The following ATOSA variants were observed in gnomAD, a reference collection of about 807,000 sequenced individuals.
ATOSA encodes atos homolog A.
chr15:52,657,066 C>A, the ATOSA span: 2 of 152,098 alleles, frequency 1.3e-5, no homozygotes, highest in African/African-American at 4.8e-5. Context: ...ACAACTGCAA[C>A]TTTGTGAAAT....
chr15:52,608,763 A>G, the ATOSA span: 4 of 1,607,660 alleles, frequency 2.5e-6, no homozygotes, highest in Non-Finnish European at 3.4e-6. Context: ...TAAGTTGAGT[A>G]TTTTGCTCAC....
At chr15:52,633,219 A>C in the ATOSA span, among the ~76,000 whole-genome samples, 55 of 152,248 alleles carry the variant, frequency 3.6e-4, no homozygotes, top group African/African-American at 1.2e-3. Flanking sequence ...TTCTATATTC[A>C]CTCCTTTTAT....
the ATOSA span, among the ~76,000 whole-genome samples, chr15:52,694,770 A>G: frequency 6.6e-6 from 1 of 152,222 alleles, no homozygotes; most frequent in African/African-American, 2.4e-5. Flanking sequence ...TGATATACAT[A>G]GAATCCCACT....
At chr15:52,631,669 A>T in the ATOSA span, among the ~76,000 whole-genome samples, 1 of 152,222 alleles carries the variant, frequency 6.6e-6, no homozygotes. Flanking sequence ...CATATCTCGA[A>T]TTTAACACTC....
At chr15:52,611,333 C>A in the ATOSA span, 2 of 1,535,176 alleles carry the variant, frequency 1.3e-6, no homozygotes, top group Non-Finnish European at 1.8e-6. Flanking sequence ...AAGCTGAGAT[C>A]CATAAACTTA....
chr15:52,605,529 T>C, the ATOSA span, among the ~76,000 whole-genome samples: 1 of 152,120 alleles, frequency 6.6e-6, no homozygotes, highest in African/African-American at 2.4e-5. Context: ...CGATGAAAAT[T>C]TCCTTTGAGC....
At chr15:52,692,612 C>A in the ATOSA span, among the ~76,000 whole-genome samples, 3 of 152,162 alleles carry the variant, frequency 2.0e-5, no homozygotes, top group Non-Finnish European at 4.4e-5. Flanking sequence ...CTTTGGCCTC[C>A]CAAAGTGCTG....
the ATOSA span, among the ~76,000 whole-genome samples, chr15:52,666,566 A>C: frequency 6.6e-6 from 1 of 152,366 alleles, no homozygotes; most frequent in East Asian, 1.9e-4. Flanking sequence ...CTGGAGAATT[A>C]GATCTTAGGG....
At chr15:52,609,881 T>C in the ATOSA span, 2 of 1,613,414 alleles carry the variant, frequency 1.2e-6, no homozygotes, top group Non-Finnish European at 1.7e-6. Flanking sequence ...TTAGAGATAC[T>C]GGAATCAACC....
At chr15:52,617,631 T>C in the ATOSA span, among the ~76,000 whole-genome samples, 4 of 152,064 alleles carry the variant, frequency 2.6e-5, no homozygotes, top group South Asian at 2.1e-4. Flanking sequence ...CTATTGTTAA[T>C]TTTATAGCCT....
At chr15:52,608,209 A>C in the ATOSA span, among the ~76,000 whole-genome samples, 4 of 152,198 alleles carry the variant, frequency 2.6e-5, no homozygotes, top group Non-Finnish European at 5.9e-5. Context: ...TCTGACTAGA[A>C]GAAAAAGAGG....
the ATOSA span, among the ~76,000 whole-genome samples, chr15:52,628,404 A>G: frequency 6.6e-6 from 1 of 152,342 alleles, no homozygotes; most frequent in Non-Finnish European, 1.5e-5. Context: ...GAGCCATGCC[A>G]GGGCTGTGTA....
At chr15:52,642,118 A>T in the ATOSA span, among the ~76,000 whole-genome samples, 1 of 152,186 alleles carries the variant, frequency 6.6e-6, no homozygotes, top group African/African-American at 2.4e-5. Context: ...AAATTTGCCA[A>T]TCTGTTTAAA....
the ATOSA span, chr15:52,593,704 G>A: frequency 4.8e-5 from 75 of 1,556,468 alleles, no homozygotes; most frequent in South Asian, 2.7e-4. Flanking sequence ...CAACAATGCC[G>A]AGAGGATCGA....
chr15:52,623,154 G>A, the ATOSA span, among the ~76,000 whole-genome samples: 2 of 134,746 alleles, frequency 1.5e-5, no homozygotes, highest in Admixed American at 1.4e-4. Context: ...GTGAGACTCC[G>A]TGTCAAAAAA....
the ATOSA span, among the ~76,000 whole-genome samples, chr15:52,660,433 C>G: frequency 2.0e-5 from 3 of 152,178 alleles, no homozygotes; most frequent in African/African-American, 4.8e-5. Flanking sequence ...TGTTCTTTCC[C>G]CTTACACAGC....
the ATOSA span, among the ~76,000 whole-genome samples, chr15:52,610,754 T>C: frequency 1.3e-5 from 2 of 152,246 alleles, no homozygotes; most frequent in Non-Finnish European, 2.9e-5. Context: ...CTCATGGCCA[T>C]CTGCCTAAAA....
At chr15:52,600,452 T>C in the ATOSA span, among the ~76,000 whole-genome samples, 1 of 152,088 alleles carries the variant, frequency 6.6e-6, no homozygotes, top group South Asian at 2.1e-4. Context: ...CACAATATTA[T>C]TTACTTTTGT....
the ATOSA span, among the ~76,000 whole-genome samples, chr15:52,660,977 T>G: frequency 2.6e-5 from 4 of 152,316 alleles, no homozygotes; most frequent in African/African-American, 4.8e-5. Context: ...CTAAGCACCT[T>G]ATATGGATTA....
Sources: gnomAD v4.1 joint callset for allele counts (sites outside exome capture counted in the v4.1 genomes callset) on GRCh38, gnomAD v4.1.1 for gene constraint, MANE v1.5 for transcripts, NCBI Gene and HGNC (gene_info 2026-07-23, HGNC 2026-07-21) for gene names.